The following TMEM266 variants were observed in gnomAD, a reference collection of about 807,000 sequenced individuals.
The protein encoded by TMEM266 is Hv1 related protein 1.
A neutral mutation model predicts 50.5 loss-of-function variants in TMEM266; 33 were observed. That is an observed-to-expected ratio of 0.65 (90% CI 0.50 to 0.87). The LOEUF (loss-of-function observed/expected upper bound fraction) is 0.87. TMEM266 is among the 40% of genes least tolerant of loss of function. The pLI is 0.00. For missense variants in TMEM266, 655 were observed against 695.1 expected, an observed-to-expected ratio of 0.94 and a Z score of 0.65; for synonymous variants, 310 against 292.3, an observed-to-expected ratio of 1.06 and a Z score of -0.62.
Position 76,092,228 on chromosome 15 carries a change from G to A in TMEM266, c.-97+32212G>A, listed in dbSNP as rs116509007. On this transcript the variant is annotated intron_variant, in intron 1 of 10. Transcript: ENST00000388942. ...CTGCAGTGAATATACTGTAATTATA[G>A]TATAAATGCTGCTTATTGGTCTTCA... is the stretch of plus-strand genomic sequence containing the variant. 7.4e-3 allele frequency among the ~76,000 whole-genome samples: 1,121 copies of A among 152,136 alleles called. 18 individuals are homozygous for A. Among genetic ancestry groups the A allele is most frequent in the African/African-American group, 0.025 (1,035 of 41,534 alleles).
At chr15:76,143,631 C>T (rs533104996) in intron 3 of TMEM266, among the ~76,000 whole-genome samples, 8 of 152,234 alleles carry the variant, frequency 5.3e-5, no homozygotes, top group Non-Finnish European at 1.2e-4. Flanking sequence ...GCTGGGGTTA[C>T]AGGCATGAGC....
At position 76,086,890 on chromosome 15, in the gene TMEM266, C is replaced by G. The variant is rs545075253; in HGVS notation, c.-97+26874C>G. Among the ~76,000 whole-genome samples the G allele has an allele frequency of 2.0e-5, 3 of 149,100 alleles. No homozygotes were observed. In the East Asian group the frequency reaches 5.9e-4, roughly 29 times the overall value. ...AGGAGGGGACCAATCAGAGGTACTT[C>G]CAATTTTTCATCTGCCATGCAGAAA... On this transcript the variant is annotated intron_variant, in intron 1 of 10. Coordinates refer to ENST00000388942, the MANE Select transcript of TMEM266 (RefSeq NM_152335.3).
At position 76,161,365 on chromosome 15, in the gene TMEM266, G is replaced by A. The variant is rs1392961997; in HGVS notation, c.456+1197G>A. 6.6e-6 allele frequency among the ~76,000 whole-genome samples: 1 copy of A among 152,142 alleles called. No homozygotes were observed. The highest frequency in any genetic ancestry group is 1.5e-5 in the Non-Finnish European group (1 of 68,018). On this transcript the variant is annotated intron_variant, in intron 5 of 10. Transcript: ENST00000388942. The surrounding 1 kb of genome is among the most constrained non-coding windows in gnomAD (Gnocchi z 4.1). Reference sequence around the variant, plus strand: ...TGAAGGGAGGAAGGATGCTATGGGAGAGGGTGGCGTGGGCAGAGGCACTGA... The same window carrying A: ...TGAAGGGAGGAAGGATGCTATGGGAAAGGGTGGCGTGGGCAGAGGCACTGA...
At position 76,185,136 on chromosome 15, in the gene TMEM266, G is replaced by A. The variant is rs1272557167; in HGVS notation, c.769-6832G>A. ...TTTTTGGTATTTATTCTGCTTAGGA[G>A]TTTCTTAAATTTGTGGATTGATGTT... On this transcript the variant is annotated intron_variant, in intron 8 of 10. Transcript: ENST00000388942. 2.0e-5 allele frequency among the ~76,000 whole-genome samples: 3 copies of A among 152,258 alleles called. No individual in the cohort carries two copies. In the East Asian group the frequency reaches 5.8e-4, roughly 29 times the overall value.
At chr15:76,150,873 G>C (rs1048778493) in intron 3 of TMEM266, among the ~76,000 whole-genome samples, 1 of 152,194 alleles carries the variant, frequency 6.6e-6, no homozygotes, top group African/African-American at 2.4e-5. Flanking sequence ...TCATATTCTA[G>C]AATTTATTCT....
intron 8 of TMEM266, among the ~76,000 whole-genome samples, chr15:76,180,607 C>CTTTTTTTT (rs59287886): frequency 1.3e-4 from 8 of 63,182 alleles, no homozygotes; most frequent in Non-Finnish European, 1.6e-4. Flanking sequence ...TCATCTTAAG[C>CTTTTTTTT]TTTTTTTTTT....
At chr15:76,143,394 ATCAGCCACTTCCTTG>A (rs771372213) in intron 3 of TMEM266, among the ~76,000 whole-genome samples, 12 of 152,316 alleles carry the variant, frequency 7.9e-5, no homozygotes, top group Non-Finnish European at 1.5e-4. Context: ...TCTCAAGCGC[ATCAGCCACTTCCTTG>A]TTGCTACAAT....
intron 1 of TMEM266, among the ~76,000 whole-genome samples, chr15:76,095,748 CT>C (rs774225405): frequency 1.2e-4 from 19 of 152,062 alleles, no homozygotes; most frequent in Non-Finnish European, 2.2e-4. Flanking sequence ...TGGTCCTGGG[CT>C]TTTCTTGGTT....
chr15:76,134,090 G>A, intron 1 of TMEM266, 78 bp from the exon 2 acceptor site: 1 of 586,242 alleles, frequency 1.7e-6, no homozygotes, highest in Non-Finnish European at 3.0e-6. Context: ...AAAGTTCTAA[G>A]GACTCCCATT....
At chr15:76,104,408 A>G (rs976608039) in intron 1 of TMEM266, among the ~76,000 whole-genome samples, 1 of 152,204 alleles carries the variant, frequency 6.6e-6, no homozygotes, top group African/African-American at 2.4e-5. Context: ...GGGCTACCCT[A>G]TTGGACTGTG....
At chr15:76,142,378 C>T (rs943906414) in intron 3 of TMEM266, among the ~76,000 whole-genome samples, 2 of 152,154 alleles carry the variant, frequency 1.3e-5, no homozygotes, top group East Asian at 1.9e-4. Flanking sequence ...GGTGACAGAG[C>T]GAGACTCCGT....
intron 8 of TMEM266, among the ~76,000 whole-genome samples, chr15:76,183,367 C>T (rs1380812035): frequency 2.0e-5 from 3 of 152,106 alleles, no homozygotes; most frequent in East Asian, 1.9e-4. Context: ...CCACCCACCT[C>T]GGCCTCCCAA....
chr15:76,090,598 A>G (rs1264274908), intron 1 of TMEM266, among the ~76,000 whole-genome samples: 1 of 152,130 alleles, frequency 6.6e-6, no homozygotes, highest in African/African-American at 2.4e-5. Flanking sequence ...CAGTGTCCCA[A>G]GAACCAAGGG....
intron 8 of TMEM266, among the ~76,000 whole-genome samples, chr15:76,188,440 T>TA (rs1309506770): frequency 6.6e-6 from 1 of 152,032 alleles, no homozygotes; most frequent in African/African-American, 2.4e-5. Flanking sequence ...CTGTCTCTAC[T>TA]AAAAATACAA....
At chr15:76,080,876 G>T (rs1422176497) in intron 1 of TMEM266, among the ~76,000 whole-genome samples, 1 of 151,978 alleles carries the variant, frequency 6.6e-6, no homozygotes, top group Non-Finnish European at 1.5e-5. Context: ...CCTCAGTGTA[G>T]CTAGGACTAC....
At chr15:76,084,286 C>T (rs932503863) in intron 1 of TMEM266, among the ~76,000 whole-genome samples, 1 of 152,054 alleles carries the variant, frequency 6.6e-6, no homozygotes, top group Non-Finnish European at 1.5e-5. Flanking sequence ...TGCTCTCCAG[C>T]CTGGGCAAAC....
intron 8 of TMEM266, among the ~76,000 whole-genome samples, chr15:76,187,728 G>A (rs886604211): frequency 6.6e-6 from 1 of 152,174 alleles, no homozygotes; most frequent in Non-Finnish European, 1.5e-5. Context: ...TCAGGGTCAG[G>A]GCTCATTGCA....
At chr15:76,099,196 C>T (rs1444477305) in intron 1 of TMEM266, among the ~76,000 whole-genome samples, 2 of 152,228 alleles carry the variant, frequency 1.3e-5, no homozygotes, top group African/African-American at 4.8e-5. Context: ...GTGCTCGAAA[C>T]CCAGGGCCCT....
At chr15:76,167,964 G>A (rs16967935) in intron 5 of TMEM266, among the ~76,000 whole-genome samples, 2,535 of 152,284 alleles carry the variant, frequency 0.017, 65 homozygotes, top group African/African-American at 0.058. Flanking sequence ...GGCTGGCCCA[G>A]GGTCTGGCAT....
Sources: allele counts gnomAD v4.1 joint callset (sites outside exome capture counted in the v4.1 genomes callset), GRCh38; gene constraint gnomAD v4.1.1; non-coding constraint Gnocchi (gnomAD v3.1); transcripts MANE v1.5; gene names NCBI Gene and HGNC (gene_info 2026-07-23, HGNC 2026-07-21).